Variants in CA10 observed in about 807,000 individuals in gnomAD.
CA10 encodes the protein carbonic anhydrase 10 (inactive).
CA10 carries 14 observed loss-of-function variants against 44.2 expected under a neutral mutation model. That is an observed-to-expected ratio of 0.32 (90% CI 0.21 to 0.50). CA10 has a LOEUF of 0.50. CA10 is among the 20% of genes least tolerant of loss of function. CA10 has a pLI of 0.99. For synonymous variants in CA10, 159 were observed against 141.6 expected (o/e 1.12, Z -0.87); for missense variants, 350 against 409.7 (o/e 0.85, Z 1.26).
chr17:51,700,834 G>C (rs189910178), intron 4 of CA10, among the ~76,000 whole-genome samples: 1 of 152,206 alleles, frequency 6.6e-6, no homozygotes, highest in Non-Finnish European at 1.5e-5. Flanking sequence ...ACCAAACACT[G>C]TATGTTCTCA....
chr17:52,105,063 C>A (rs1252678885), intron 1 of CA10, among the ~76,000 whole-genome samples: 1 of 152,026 alleles, frequency 6.6e-6, no homozygotes, highest in East Asian at 1.9e-4. Flanking sequence ...TGGGGTAGGG[C>A]AACATGGGTA....
chr17:51,647,298 G>C (rs1158991078), intron 6 of CA10, among the ~76,000 whole-genome samples: 1 of 152,068 alleles, frequency 6.6e-6, no homozygotes, highest in East Asian at 1.9e-4. Flanking sequence ...CCTCGTCTTA[G>C]GCACTGAGAC....
intron 1 of CA10, among the ~76,000 whole-genome samples, chr17:52,134,361 G>A (rs1003562664): frequency 5.3e-5 from 8 of 152,094 alleles, no homozygotes; most frequent in Admixed American, 2.0e-4. Context: ...TAAGAGTTAT[G>A]AGTGTACTTT....
chr17:51,651,992 C>G (rs1913587364), intron 5 of CA10, among the ~76,000 whole-genome samples: 1 of 152,204 alleles, frequency 6.6e-6, no homozygotes, highest in African/African-American at 2.4e-5. Context: ...GGAATTTGCC[C>G]TGTGCTTATG....
intron 4 of CA10, among the ~76,000 whole-genome samples, chr17:51,667,006 C>T (rs557467783): frequency 2.6e-5 from 4 of 152,316 alleles, no homozygotes; most frequent in East Asian, 1.9e-4. Context: ...AAAGTACCCA[C>T]ATTTATGTGG....
At chr17:52,154,940 G>C (rs1989774146) in intron 1 of CA10, among the ~76,000 whole-genome samples, 1 of 152,168 alleles carries the variant, frequency 6.6e-6, no homozygotes, top group African/African-American at 2.4e-5. Context: ...GGCCCAAGGA[G>C]AAATTTGGGG....
At chr17:52,044,336 C>T (rs539145972) in intron 2 of CA10, among the ~76,000 whole-genome samples, 1 of 152,054 alleles carries the variant, frequency 6.6e-6, no homozygotes, top group African/African-American at 2.4e-5. Flanking sequence ...CAGGGTCTCC[C>T]TCTGTTGCCC....
At chr17:51,636,830 G>T (rs1032307183) in intron 6 of CA10, among the ~76,000 whole-genome samples, 1 of 142,618 alleles carries the variant, frequency 7.0e-6, no homozygotes, top group African/African-American at 2.7e-5. Context: ...TCTCTCTCAG[G>T]TCTATGCAGA....
chr17:51,825,699 G>A (rs1295190778), intron 3 of CA10, among the ~76,000 whole-genome samples: 1 of 152,176 alleles, frequency 6.6e-6, no homozygotes, highest in African/African-American at 2.4e-5. Flanking sequence ...TACAAACATA[G>A]TGTCTTGCCT....
chr17:51,658,185 A>T (rs903492286), intron 4 of CA10, among the ~76,000 whole-genome samples: 1 of 152,054 alleles, frequency 6.6e-6, no homozygotes, highest in Non-Finnish European at 1.5e-5. Context: ...ATCTGATGTG[A>T]CTTGACTTCT....
chr17:52,055,980 G>T (rs927068782), intron 2 of CA10, among the ~76,000 whole-genome samples: 10 of 152,094 alleles, frequency 6.6e-5, no homozygotes, highest in African/African-American at 2.2e-4. Flanking sequence ...GGAATATGAG[G>T]TTGTAACTGG....
chr17:52,012,531 T>C (rs986416298), intron 2 of CA10, among the ~76,000 whole-genome samples: 2 of 152,112 alleles, frequency 1.3e-5, no homozygotes, highest in Middle Eastern at 3.4e-3. Context: ...AAAGGGCCCT[T>C]AGATATCTTT....
intron 4 of CA10, among the ~76,000 whole-genome samples, chr17:51,720,953 T>C (rs1342948957): frequency 2.6e-5 from 4 of 152,260 alleles, no homozygotes; most frequent in Non-Finnish European, 1.5e-5. Context: ...TAGCTTGATT[T>C]ACTCTTTCTA....
intron 4 of CA10, among the ~76,000 whole-genome samples, chr17:51,727,890 TA>T (rs869218468): frequency 1.3e-5 from 2 of 152,086 alleles, no homozygotes; most frequent in Non-Finnish European, 2.9e-5. Flanking sequence ...TTTAAAGACT[TA>T]AAAAAATTTT....
intron 4 of CA10, among the ~76,000 whole-genome samples, chr17:51,658,713 G>C (rs574354944): frequency 9.8e-5 from 15 of 152,304 alleles, no homozygotes; most frequent in African/African-American, 3.6e-4. Flanking sequence ...GGAAGTCACA[G>C]GTGTTAAATA....
At chr17:52,013,612 C>A (rs901672580) in intron 2 of CA10, among the ~76,000 whole-genome samples, 5 of 151,814 alleles carry the variant, frequency 3.3e-5, no homozygotes, top group Non-Finnish European at 4.4e-5. Context: ...AATAGATTAC[C>A]ATCCAAGAAA....
At chr17:52,008,050 A>G (rs1212184343) in intron 2 of CA10, among the ~76,000 whole-genome samples, 1 of 151,474 alleles carries the variant, frequency 6.6e-6, no homozygotes, top group Admixed American at 6.6e-5. Context: ...TTTTTTCATT[A>G]CTCATTCAGT....
rs143937691 is a variant in CA10 at position 51,874,249 on chromosome 17, A to G, written c.279+56741T>C. On this transcript the variant is annotated intron_variant, in intron 3 of 8. Coordinates refer to ENST00000451037, the MANE Select transcript of CA10 (RefSeq NM_020178.5). ...GCTTTCATGGCCAGGACTATGTGGT[A>G]TATTTTCCTTGAGAGTTAAGAATCA... 4.1e-3 allele frequency among the ~76,000 whole-genome samples: 622 copies of G among 152,308 alleles called. 3 individuals are homozygous for G. The highest frequency in any genetic ancestry group is 0.014 in the African/African-American group (588 of 41,584).
chr17:51,808,072 G>C (rs905737170), intron 3 of CA10, among the ~76,000 whole-genome samples: 5 of 152,208 alleles, frequency 3.3e-5, no homozygotes, highest in African/African-American at 1.2e-4. Flanking sequence ...ACAGATCTGA[G>C]AGGTAAGACC....
Sources: gnomAD v4.1 joint callset for allele counts (sites outside exome capture counted in the v4.1 genomes callset) on GRCh38, gnomAD v4.1.1 for gene constraint, MANE v1.5 for transcripts, NCBI Gene and HGNC (gene_info 2026-07-23, HGNC 2026-07-21) for gene names.